Variants in PVT1 observed in about 807,000 individuals in gnomAD.
PVT1 encodes the protein CXCR4/PVT1 fusion.
chr8:128,071,366 T>C (rs1813986711), intron 5 of PVT1, among the ~76,000 whole-genome samples: 1 of 152,020 alleles, frequency 6.6e-6, no homozygotes, highest in Non-Finnish European at 1.5e-5. Flanking sequence ...ATAGTAACCT[T>C]GTGTTTCTGG....
intron 4 of PVT1, among the ~76,000 whole-genome samples, chr8:128,036,846 G>A (rs1402270485): frequency 1.7e-4 from 26 of 152,210 alleles, no homozygotes; most frequent in Admixed American, 1.7e-3. Flanking sequence ...TTGAGCAAGT[G>A]ACTGTTAGAG....
intron 3 of PVT1, among the ~76,000 whole-genome samples, chr8:127,949,215 A>G (rs1423011095): frequency 1.3e-5 from 2 of 152,124 alleles, no homozygotes; most frequent in African/African-American, 4.8e-5. Flanking sequence ...TCTGGTGCCC[A>G]CACACCAGAT....
At chr8:127,849,649 T>C (rs919355508) in intron 2 of PVT1, among the ~76,000 whole-genome samples, 1 of 151,382 alleles carries the variant, frequency 6.6e-6, no homozygotes, top group Non-Finnish European at 1.5e-5. Flanking sequence ...CATATGTGTG[T>C]GTGTGCCCCT....
At chr8:127,911,738 G>C (rs1362117647) in intron 3 of PVT1, among the ~76,000 whole-genome samples, 1 of 152,218 alleles carries the variant, frequency 6.6e-6, no homozygotes, top group Non-Finnish European at 1.5e-5. Flanking sequence ...TGCCCCCTCT[G>C]CTGTGCTTTT....
chr8:127,832,388 C>T (rs1044784749), intron 2 of PVT1, among the ~76,000 whole-genome samples: 1 of 152,190 alleles, frequency 6.6e-6, no homozygotes, highest in Non-Finnish European at 1.5e-5. Context: ...ACCCAGCATT[C>T]CAGATAGCCT....
intron 5 of PVT1, among the ~76,000 whole-genome samples, chr8:128,073,523 G>A (rs924831643): frequency 4.6e-5 from 7 of 152,078 alleles, no homozygotes; most frequent in South Asian, 2.1e-4. Context: ...ATTTTTCGGC[G>A]TGGGGCTGAG....
intron 3 of PVT1, among the ~76,000 whole-genome samples, chr8:127,924,741 G>A (rs1816108753): frequency 6.6e-6 from 1 of 152,126 alleles, no homozygotes; most frequent in Non-Finnish European, 1.5e-5. Flanking sequence ...TTGATCTCCT[G>A]ACCTCGTGAT....
intron 3 of PVT1, among the ~76,000 whole-genome samples, chr8:127,970,087 C>A (rs1398703589): frequency 6.6e-6 from 1 of 152,140 alleles, no homozygotes; most frequent in Non-Finnish European, 1.5e-5. Flanking sequence ...CCCAACCCCC[C>A]TTTGGCTCTT....
intron 2 of PVT1, among the ~76,000 whole-genome samples, chr8:127,800,829 A>G (rs974477619): frequency 6.6e-6 from 1 of 152,244 alleles, no homozygotes; most frequent in African/African-American, 2.4e-5. Flanking sequence ...GATAAGGAAC[A>G]GCAGACATAA....
chr8:128,063,967 A>T (rs944642336), intron 4 of PVT1, among the ~76,000 whole-genome samples: 2 of 152,154 alleles, frequency 1.3e-5, no homozygotes, highest in African/African-American at 4.8e-5. Flanking sequence ...TAGTAAATAC[A>T]TACAATTTTA....
intron 5 of PVT1, among the ~76,000 whole-genome samples, chr8:128,078,088 C>T (rs780752927): frequency 1.3e-5 from 2 of 152,152 alleles, no homozygotes; most frequent in African/African-American, 2.4e-5. Context: ...TCAGTTTATG[C>T]CTGTGGTCCC....
chr8:128,028,502 T>A (rs1261745973), intron 4 of PVT1, among the ~76,000 whole-genome samples: 1 of 152,174 alleles, frequency 6.6e-6, no homozygotes, highest in African/African-American at 2.4e-5. Flanking sequence ...GGTTCTGAGC[T>A]CTCTGAGGAG....
At chr8:128,018,111 G>T (rs1317944118) in intron 4 of PVT1, among the ~76,000 whole-genome samples, 4 of 152,190 alleles carry the variant, frequency 2.6e-5, no homozygotes, top group African/African-American at 9.7e-5. Context: ...AGTGGTGGAA[G>T]GCCCTCCAGC....
At chr8:127,861,482 A>G (rs987395316) in intron 2 of PVT1, among the ~76,000 whole-genome samples, 10 of 151,804 alleles carry the variant, frequency 6.6e-5, no homozygotes, top group African/African-American at 2.4e-4. Flanking sequence ...CGTAATTATC[A>G]CCCATCATTC....
chr8:127,870,157 G>A lies in PVT1; in HGVS notation n.373-20432G>A, dbSNP rs74431304. Among the ~76,000 whole-genome samples, 839 of 152,290 alleles carry A rather than the reference G, an allele frequency of 5.5e-3. 12 individuals carry two copies. The highest frequency in any genetic ancestry group is 0.019 in the African/African-American group (785 of 41,550). On this transcript the variant is annotated intron_variant and non_coding_transcript_variant, in intron 2 of 10. Transcript: ENST00000651587. ...TTAAGATGATATCATATTGGATTAG[G>A]GTGGGGGCTAAAGCCAATGACCCAT...
chr8:128,033,250 T>C (rs1813419515), intron 4 of PVT1, among the ~76,000 whole-genome samples: 1 of 152,222 alleles, frequency 6.6e-6, no homozygotes, highest in East Asian at 1.9e-4. Flanking sequence ...CGGGGCTTTA[T>C]CAAGGTTGCC....
intron 2 of PVT1, among the ~76,000 whole-genome samples, chr8:127,862,886 T>C (rs1239341642): frequency 6.6e-6 from 1 of 152,170 alleles, no homozygotes; most frequent in Non-Finnish European, 1.5e-5. Context: ...CTTGATTAAC[T>C]TGTGAATTTT....
intron 3 of PVT1, among the ~76,000 whole-genome samples, chr8:127,915,821 C>T (rs1333154645): frequency 1.3e-5 from 2 of 152,196 alleles, no homozygotes; most frequent in Non-Finnish European, 2.9e-5. Flanking sequence ...GTTCCTCTTC[C>T]TCTACAGTGG....
At chr8:127,989,706 G>A (rs1368486560) in intron 4 of PVT1, among the ~76,000 whole-genome samples, 2 of 152,164 alleles carry the variant, frequency 1.3e-5, no homozygotes, top group Non-Finnish European at 2.9e-5. Context: ...TCCTTTCCCA[G>A]CCAATCCGTG....
Sources: gnomAD v4.1 joint callset for allele counts (sites outside exome capture counted in the v4.1 genomes callset) on GRCh38, gnomAD v4.1.1 for gene constraint, MANE v1.5 for transcripts, NCBI Gene and HGNC (gene_info 2026-07-23, HGNC 2026-07-21) for gene names.